Variants in CCDC7 observed in about 807,000 individuals in gnomAD.
CCDC7 encodes coiled-coil domain containing 7.
A neutral mutation model predicts 196.9 loss-of-function variants in CCDC7; 183 were observed. That is an observed-to-expected ratio of 0.93 (90% CI 0.82 to 1.05). CCDC7 has a LOEUF of 1.05. Ranked by LOEUF, CCDC7 falls within the 50% of genes least tolerant of loss-of-function variation. The pLI is 0.00. For missense variants in CCDC7, 1,540 were observed against 1,482.2 expected, an observed-to-expected ratio of 1.04 and a Z score of -0.64; for synonymous variants, 525 against 484.6, an observed-to-expected ratio of 1.08 and a Z score of -1.10.
exon 16 of CCDC7, chr10:32,571,879 A>G: frequency 6.4e-7 from 1 of 1,574,182 alleles, no homozygotes; most frequent in African/African-American, 1.4e-5. Flanking sequence ...AAAGCGGAAG[A>G]CTGATTGAAA....
intron 18 of CCDC7, among the ~76,000 whole-genome samples, chr10:32,631,672 CAAA>C (rs35507467): frequency 2.8e-5 from 4 of 142,888 alleles, no homozygotes; most frequent in African/African-American, 7.7e-5. Context: ...TCAATTTCTA[CAAA>C]AAAAAAAAAA....
At chr10:32,506,718 G>A (rs927704616) in intron 9 of CCDC7, among the ~76,000 whole-genome samples, 7 of 147,826 alleles carry the variant, frequency 4.7e-5, no homozygotes, top group South Asian at 2.1e-4. Context: ...CAGTAGTGGC[G>A]GTGTGTGCCT....
chr10:32,486,194 A>C (rs1319644839), intron 8 of CCDC7, among the ~76,000 whole-genome samples: 2 of 152,156 alleles, frequency 1.3e-5, no homozygotes, highest in African/African-American at 2.4e-5. Flanking sequence ...TATTGGGTAC[A>C]TATATATTTA....
rs531177002 is a variant in CCDC7 at position 32,548,962 on chromosome 10, C to T, written c.1134+4661C>T. On this transcript the variant is annotated intron_variant, in intron 13 of 41. Transcript: ENST00000639629. ...ATTGCTGGATCAAATGGTAGTTCTA[C>T]TGTTAGTTCTTTAAGGAATCTCTAC... Among the ~76,000 whole-genome samples, 40 of 152,260 alleles carry T rather than the reference C, an allele frequency of 2.6e-4. 1 individual carries two copies. The Middle Eastern group carries it at 0.01, about 39-fold the overall frequency.
chr10:32,865,249 G>A (rs2094159657), intron 41 of CCDC7, among the ~76,000 whole-genome samples: 1 of 151,686 alleles, frequency 6.6e-6, no homozygotes, highest in African/African-American at 2.4e-5. Context: ...ATATTAAAAT[G>A]ACACTCAAAA....
At chr10:32,492,967 T>G (rs1170841627) in intron 9 of CCDC7, among the ~76,000 whole-genome samples, 1 of 152,100 alleles carries the variant, frequency 6.6e-6, no homozygotes, top group African/African-American at 2.4e-5. Context: ...ATTGACAAAA[T>G]TATATATATT....
rs377352224 is a variant in CCDC7 at position 32,805,428 on chromosome 10, T to C, written c.3097+330T>C. On this transcript the variant is annotated intron_variant, in intron 30 of 41. Coordinates refer to ENST00000639629, the Ensembl canonical transcript of CCDC7. ...GTTTAGATAGAAAGTTACTTTAAAT[T>C]TGCAAAAGCGGAAAGGCTATCTGAT... Among the ~76,000 whole-genome samples the C allele has an allele frequency of 1.2e-4, 18 of 152,318 alleles. No individual in the cohort carries two copies. The South Asian group carries it at 3.7e-3, about 32-fold the overall frequency.
intron 13 of CCDC7, among the ~76,000 whole-genome samples, chr10:32,547,498 A>G (rs1414902495): frequency 6.6e-6 from 1 of 151,972 alleles, no homozygotes; most frequent in East Asian, 1.9e-4. Flanking sequence ...TCCCACCCAC[A>G]CTCAGAGGGG....
At chr10:32,503,052 A>G (rs1329059802) in intron 9 of CCDC7, among the ~76,000 whole-genome samples, 3 of 152,150 alleles carry the variant, frequency 2.0e-5, no homozygotes, top group African/African-American at 7.2e-5. Context: ...TTTTGGGGAC[A>G]TCTTTAGAGT....
chr10:32,626,377 A>G (rs1271841699), intron 18 of CCDC7, among the ~76,000 whole-genome samples: 2 of 152,066 alleles, frequency 1.3e-5, no homozygotes, highest in African/African-American at 2.4e-5. Flanking sequence ...TGAAAAATGT[A>G]CATTCAGTCC....
intron 24 of CCDC7, among the ~76,000 whole-genome samples, chr10:32,698,876 A>G (rs2078167711): frequency 6.6e-6 from 1 of 152,134 alleles, no homozygotes; most frequent in African/African-American, 2.4e-5. Flanking sequence ...ACTCCTCGAG[A>G]AGAGCATCTC....
At chr10:32,521,329 T>A (rs904087587) in intron 11 of CCDC7, among the ~76,000 whole-genome samples, 17 of 152,148 alleles carry the variant, frequency 1.1e-4, no homozygotes, top group African/African-American at 4.1e-4. Flanking sequence ...TTTAACAATA[T>A]TGACTCCTCC....
intron 21 of CCDC7, among the ~76,000 whole-genome samples, chr10:32,678,552 G>T (rs1343882758): frequency 6.6e-6 from 1 of 152,080 alleles, no homozygotes; most frequent in Non-Finnish European, 1.5e-5. Flanking sequence ...GAGAGCTTCT[G>T]ACCACCCCTC....
rs149023205 is a variant in CCDC7 at position 32,768,140 on chromosome 10, A to G, written c.2906-10837A>G. On this transcript the variant is annotated intron_variant, in intron 28 of 41. Transcript: ENST00000639629. ...TTAAATAACATTATTTAAATATTAC[A>G]AGTATGTATTTAGTACTTGTATTTA... Among the ~76,000 whole-genome samples, 910 of 152,268 alleles carry G rather than the reference A, an allele frequency of 6.0e-3. 9 individuals are homozygous for G. Among genetic ancestry groups the G allele is most frequent in the African/African-American group, 0.021 (867 of 41,576 alleles).
chr10:32,726,643 T>C (rs1334157423), intron 25 of CCDC7, 91 bp from the exon 27 acceptor site: 1 of 670,666 alleles, frequency 1.5e-6, no homozygotes, highest in Non-Finnish European at 2.5e-6. Flanking sequence ...GCTATATACT[T>C]GTTATAAACT....
chr10:32,708,173 C>A (rs1467248754), intron 24 of CCDC7, among the ~76,000 whole-genome samples: 2 of 152,164 alleles, frequency 1.3e-5, no homozygotes, highest in South Asian at 4.1e-4. Context: ...TACCACACAT[C>A]TACACCCATC....
intron 41 of CCDC7, 59 bp from the exon 43 acceptor site, chr10:32,876,285 AATT>A (rs558356829): frequency 1.6e-6 from 2 of 1,257,210 alleles, no homozygotes; most frequent in Non-Finnish European, 1.1e-6. Context: ...ATACAATAAA[AATT>A]ATATCAACTG....
chr10:32,603,925 TCTG>T (rs2061327495), intron 18 of CCDC7, among the ~76,000 whole-genome samples: 3 of 152,190 alleles, frequency 2.0e-5, no homozygotes, highest in Admixed American at 1.3e-4. Context: ...GATTGTTTCT[TCTG>T]CTGGGCAGAA....
intron 8 of CCDC7, among the ~76,000 whole-genome samples, chr10:32,475,787 T>C (rs2038863908): frequency 6.6e-6 from 1 of 152,228 alleles, no homozygotes; most frequent in South Asian, 2.1e-4. Context: ...CTAAATTCTA[T>C]TAAATCTTAT....
Sources: allele counts gnomAD v4.1 joint callset (sites outside exome capture counted in the v4.1 genomes callset), GRCh38; gene constraint gnomAD v4.1.1; transcripts MANE v1.5; gene names NCBI Gene and HGNC (gene_info 2026-07-23, HGNC 2026-07-21).